IRF5: variants seen among roughly 807,000 people sequenced by gnomAD.
The protein encoded by IRF5 is interferon regulatory factor 5.
In IRF5, 24 loss-of-function variants were observed where a neutral mutation model predicts 55.1. That is an observed-to-expected ratio of 0.44 (90% CI 0.32 to 0.61). IRF5 has a LOEUF of 0.61. Ranked by LOEUF, IRF5 falls within the 20% of genes least tolerant of loss-of-function variation. The probability of loss-of-function intolerance (pLI) is 0.07; values close to 1 mark genes in which losing one functional copy is unlikely to be tolerated. For synonymous variants in IRF5, 258 were observed against 260.2 expected, an observed-to-expected ratio of 0.99 and a Z score of 0.08; for missense variants, 499 against 658.5, an observed-to-expected ratio of 0.76 and a Z score of 2.65.
Position 128,947,677 on chromosome 7 carries a change from A to C in IRF5, c.788-52A>C, listed in dbSNP as rs891678713. ...CTGGGCCTGGCCACTGGGCTGCAGA[A>C]TGGGGAGGCGTGGGGCTCAAGGACG... On this transcript the variant is annotated intron_variant, in intron 6 of 8. Transcript: ENST00000357234. The surrounding 1 kb of genome is among the most constrained non-coding windows in gnomAD (Gnocchi z 6.5). The C allele has an allele frequency of 1.3e-6, 2 of 1,531,236 alleles. No homozygotes were observed. Among genetic ancestry groups the C allele is most frequent in the Non-Finnish European group, 1.7e-6 (2 of 1,143,610 alleles). 94.9% of individuals were successfully genotyped at this position (1,531,236 alleles called of 1,614,324 possible). A position where few individuals can be genotyped will look rare whatever the true frequency, so the allele number is the denominator to read the frequency against.
At chr7:128,942,303 G>A (rs1471274650) in intron 2 of IRF5, 27 bp downstream of exon 2, 1 of 1,586,608 alleles carries the variant, frequency 6.3e-7, no homozygotes, top group Non-Finnish European at 8.6e-7. Flanking sequence ...AGGTTGGCTG[G>A]ACCTCCAGGG....
In IRF5 at chr7:128,949,010, CTG is replaced by C; in HGVS notation, c.*194_*195del. 1.5e-6 allele frequency: 1 copy of C among 654,680 alleles called. No individual in the cohort carries two copies. The highest frequency in any genetic ancestry group is 2.8e-5 in the East Asian group (1 of 36,110). 40.6% of individuals were successfully genotyped at this position (654,680 alleles called of 1,614,324 possible). On this transcript the variant is annotated 3_prime_UTR_variant, in exon 9 of 9. Coordinates refer to ENST00000357234, the MANE Select transcript of IRF5 (RefSeq NM_001098629.3). ...CCTTCCCGGGCCTTTCTCTCCTGGG[CTG>C]TCTCTGGTCTGGTCAGCCTGGCTCT...
At chr7:128,937,315 C>A (rs1472709388), upstream of IRF5, among the ~76,000 whole-genome samples, 1 of 152,162 alleles carries the variant, frequency 6.6e-6, no homozygotes, top group Non-Finnish European at 1.5e-5. Context: ...GAATCGAAAA[C>A]GGTTCAGAAC....
Position 128,948,049 on chromosome 7 carries a change from CA to C in IRF5, c.1109del (p.His370LeufsTer68). On this transcript the variant is annotated frameshift_variant, in exon 7 of 9. Coordinates refer to ENST00000357234, the MANE Select transcript of IRF5 (RefSeq NM_001098629.3). LOFTEE classifies it high-confidence loss of function. This position sits in a 1 kb window ranked among gnomAD's most constrained non-coding sequence, Gnocchi z 4.6. ...CTGGAGCGGGCCTTGTGCCTCAGCC[CA>C]TGACTCATGCCCCAACCCCATCCAG... is the stretch of plus-strand genomic sequence containing the variant. ...VFWSGPCASA[H>X]DSCPNPIQRE... is the part of the protein sequence containing the mutation. The C allele has an allele frequency of 6.2e-7, 1 of 1,614,162 alleles. No individual in the cohort carries two copies.
rs748307649 is a variant in IRF5 at position 128,946,532 on chromosome 7, T to C, written c.417T>C (p.Gly139=). 6.2e-7 allele frequency: 1 copy of C among 1,607,902 alleles called. No individual in the cohort carries two copies. Residue 139 remains glycine (G), a synonymous_variant, in exon 4 of 9, where the codon GGT becomes GGC. Transcript: ENST00000357234. The surrounding 1 kb of genome is among the most constrained non-coding windows in gnomAD (Gnocchi z 4.2). ...DSQPPEDYSF[G]AGEEEEEEEE... ...AGCCCCCTGAGGATTACTCTTTTGG[T>C]GCAGGAGAGGAGGAGGAAGAAGAGG...
rs1331230716 is a variant in IRF5 at position 128,948,481 on chromosome 7, T to C, written c.1300-92T>C. 2.6e-6 allele frequency: 4 copies of C among 1,549,632 alleles called. No homozygotes were observed. In the Admixed American group the frequency reaches 6.9e-5, roughly 27 times the overall value. Reference sequence around the variant, plus strand: ...AGGCTCAGAGCCGGAGAATGCGGTCTATTACTCACCCCTGATGGCTGTCCT... The same window carrying C: ...AGGCTCAGAGCCGGAGAATGCGGTCCATTACTCACCCCTGATGGCTGTCCT... On this transcript the variant is annotated intron_variant, in intron 8 of 8. Transcript: ENST00000357234. The surrounding 1 kb of genome is among the most constrained non-coding windows in gnomAD (Gnocchi z 4.6).
chr7:128,949,020 T>C lies in IRF5; in HGVS notation c.*202T>C, dbSNP rs1470815892. Reference sequence around the variant, plus strand: ...CCTTTCTCTCCTGGGCTGTCTCTGGTCTGGTCAGCCTGGCTCTCGGGAAAT... The same window carrying C: ...CCTTTCTCTCCTGGGCTGTCTCTGGCCTGGTCAGCCTGGCTCTCGGGAAAT... On this transcript the variant is annotated 3_prime_UTR_variant, in exon 9 of 9. Coordinates refer to ENST00000357234, the MANE Select transcript of IRF5 (RefSeq NM_001098629.3). The C allele has an allele frequency of 3.2e-6, 2 of 625,130 alleles. No individual in the cohort carries two copies. Among genetic ancestry groups the C allele is most frequent in the African/African-American group, 3.7e-5 (2 of 54,334 alleles). The allele number at this position is 625,130 out of a possible 1,614,324, so 38.7% of individuals were successfully genotyped here.
chr7:128,947,651 G>C lies in IRF5; in HGVS notation c.788-78G>C. 1 of 1,513,212 alleles carries C rather than the reference G, an allele frequency of 6.6e-7. No individual in the cohort carries two copies. Among genetic ancestry groups the C allele is most frequent in the Non-Finnish European group, 8.8e-7 (1 of 1,135,632 alleles). The allele number at this position is 1,513,212 out of a possible 1,614,324, so 93.7% of individuals were successfully genotyped here. On this transcript the variant is annotated intron_variant, in intron 6 of 8. Transcript: ENST00000357234. The surrounding 1 kb of genome is among the most constrained non-coding windows in gnomAD (Gnocchi z 6.5). ...TGGGAAAAGTGGGAGGGCGGATGGG[G>C]CTGGGCCTGGCCACTGGGCTGCAGA...
Position 128,948,384 on chromosome 7 carries a change from G to A in IRF5, c.1299+56G>A. 1 of 1,505,854 alleles carries A rather than the reference G, an allele frequency of 6.6e-7. No individual in the cohort carries two copies. Among genetic ancestry groups the A allele is most frequent in the East Asian group, 2.3e-5 (1 of 44,168 alleles). The allele number at this position is 1,505,854 out of a possible 1,614,324, so 93.3% of individuals were successfully genotyped here. A position where few individuals can be genotyped will look rare whatever the true frequency, so the allele number is the denominator to read the frequency against. ...GGCTTGAAAACTGGGGAATCCTGGG[G>A]CTAGGCCCTTGCCCCAGGCTGGAGG... On this transcript the variant is annotated intron_variant, in intron 8 of 8. Transcript: ENST00000357234. The surrounding 1 kb of genome is among the most constrained non-coding windows in gnomAD (Gnocchi z 4.6).
chr7:128,937,912 A>G (rs540618836), upstream of IRF5: 1,052 of 152,462 alleles, frequency 6.9e-3, 5 homozygotes, highest in Non-Finnish European at 9.7e-3. Flanking sequence ...GCAGCTGCCC[A>G]GGGGCGGGGG....
intron 1 of IRF5, among the ~76,000 whole-genome samples, chr7:128,941,867 A>G (rs1796041265): frequency 6.6e-6 from 1 of 152,194 alleles, no homozygotes; most frequent in Admixed American, 6.5e-5. Flanking sequence ...AGCATTCACT[A>G]ACTCGTAACT....
chr7:128,938,657 G>A (rs1488632446), intron 1 of IRF5, among the ~76,000 whole-genome samples: 1 of 152,216 alleles, frequency 6.6e-6, no homozygotes, highest in African/African-American at 2.4e-5. Context: ...CTCGCGGCCG[G>A]GAATGGCAGA....
In IRF5 at chr7:128,938,990, G is replaced by A. The variant is rs968393132; in HGVS notation, c.-12+941G>A. On this transcript the variant is annotated intron_variant, in intron 1 of 8. Coordinates refer to ENST00000357234, the MANE Select transcript of IRF5 (RefSeq NM_001098629.3). The stretch of plus-strand genomic sequence containing the variant: ...GAGGCCGACTCTGGAGGTGGGGGTG[G>A]CTCCGCGGGCTGGCCCAGGGGGTGT... 4.1e-4 allele frequency among the ~76,000 whole-genome samples: 60 copies of A among 144,936 alleles called. No individual in the cohort carries two copies. In the East Asian group the frequency reaches 9.6e-3, roughly 23 times the overall value.
At position 128,947,620 on chromosome 7, in the gene IRF5, C is replaced by T; in HGVS notation, c.787+85C>T. 6.6e-7 allele frequency: 1 copy of T among 1,516,084 alleles called. No individual in the cohort carries two copies. The highest frequency in any genetic ancestry group is 8.8e-7 in the Non-Finnish European group (1 of 1,138,312). 93.9% of individuals were successfully genotyped at this position (1,516,084 alleles called of 1,614,324 possible). ...AGGAGGGTGGAGGGTGCTGGACTCC[C>T]TTGGGTGGGAAAAGTGGGAGGGCGG... On this transcript the variant is annotated intron_variant, in intron 6 of 8. Transcript: ENST00000357234. This position sits in a 1 kb window ranked among gnomAD's most constrained non-coding sequence, Gnocchi z 6.5.
At position 128,946,603 on chromosome 7, in the gene IRF5, C is replaced by A; in HGVS notation, c.447+41C>A. 1 of 1,359,928 alleles carries A rather than the reference C, an allele frequency of 7.4e-7. No individual in the cohort carries two copies. Among genetic ancestry groups the A allele is most frequent in the Non-Finnish European group, 1.0e-6 (1 of 968,324 alleles). 84.2% of individuals were successfully genotyped at this position (1,359,928 alleles called of 1,614,324 possible). On this transcript the variant is annotated intron_variant, in intron 4 of 8. Coordinates refer to ENST00000357234, the MANE Select transcript of IRF5 (RefSeq NM_001098629.3). The surrounding 1 kb of genome is among the most constrained non-coding windows in gnomAD (Gnocchi z 4.2). ...GGAGGCAGGTGGAGCCCTGGACGAG[C>A]TCTCTGCTGTCCCCATCGGCCTTAG...
chr7:128,945,338 T>C (rs754814279), intron 2 of IRF5, among the ~76,000 whole-genome samples: 35 of 152,254 alleles, frequency 2.3e-4, no homozygotes, highest in Non-Finnish European at 4.3e-4. Flanking sequence ...ACTCCTGGGC[T>C]CAAGCAGTCC....
chr7:128,945,964 C>T lies in IRF5; in HGVS notation c.315C>T (p.Asp105=), dbSNP rs200230921. 3.2e-5 allele frequency: 51 copies of T among 1,613,132 alleles called. No individual in the cohort carries two copies. The African/African-American group carries it at 3.2e-4, about 10-fold the overall frequency. Residue 105 remains aspartate (D), a synonymous_variant, in exon 3 of 9, where the codon GAC becomes GAT. Transcript: ENST00000357234. ...GCCGGGACTTCCGCCTCATCTACGA[C>T]GGGCCCCGGGACATGCCACCTCAGC... The part of the protein sequence containing the change: ...NKSRDFRLIY[D]GPRDMPPQPY...
Position 128,945,847 on chromosome 7 carries a change from C to A in IRF5, c.198C>A (p.Ala66=). The change falls in exon 3 of 9, where the codon GCC becomes GCA. Residue 66 remains alanine, a splice_region_variant and synonymous_variant. Transcript: ENST00000357234. ...TCGGCTATTTCTTCCTGCCCCAGGC[C>A]TGGGCCAAGGAGACAGGGAAATACA... ...SQDGDNTIFK[A]WAKETGKYTE... 6.2e-7 allele frequency: 1 copy of A among 1,607,506 alleles called. No homozygotes were observed. Among genetic ancestry groups the A allele is most frequent in the African/African-American group, 1.3e-5 (1 of 74,352 alleles).
At position 128,948,671 on chromosome 7, in the gene IRF5, CAA is replaced by C; in HGVS notation, c.1400_1401del (p.Lys467ArgfsTer66). The part of the protein sequence containing the change: ...IRLQISNPDL[K>X]DRMVEQFKEL... ...GGCTACAGATCTCAAACCCAGACCT[CAA>C]AGACCGCATGGTGGAGCAATTCAAG... is the stretch of plus-strand genomic sequence containing the variant. On this transcript the variant is annotated frameshift_variant, in exon 9 of 9. Coordinates refer to ENST00000357234, the MANE Select transcript of IRF5 (RefSeq NM_001098629.3). LOFTEE classifies it high-confidence loss of function. This position sits in a 1 kb window ranked among gnomAD's most constrained non-coding sequence, Gnocchi z 4.6. 1.2e-6 allele frequency: 2 copies of C among 1,614,242 alleles called. No individual in the cohort carries two copies. The highest frequency in any genetic ancestry group is 1.7e-6 in the Non-Finnish European group (2 of 1,180,048).
Sources: allele counts gnomAD v4.1 joint callset (sites outside exome capture counted in the v4.1 genomes callset), GRCh38; gene constraint gnomAD v4.1.1; non-coding constraint Gnocchi (gnomAD v3.1); transcripts MANE v1.5; gene names NCBI Gene and HGNC (gene_info 2026-07-23, HGNC 2026-07-21).